The following GPC5 variants were observed in gnomAD, a reference collection of about 807,000 sequenced individuals.
GPC5 encodes the protein glypican 5.
GPC5 carries 47 observed loss-of-function variants against 53.9 expected under a neutral mutation model. The ratio of observed to expected loss-of-function variants is 0.87; its 90% CI spans 0.69 to 1.11. The LOEUF is 1.11. Ranked by LOEUF, GPC5 falls within the 50% of genes most tolerant of loss-of-function variation. GPC5 has a pLI of 0.00. For missense variants in GPC5, 748 were observed against 713.1 expected, an observed-to-expected ratio of 1.05 and a Z score of -0.56; for synonymous variants, 286 against 263.3, an observed-to-expected ratio of 1.09 and a Z score of -0.84.
chr13:91,593,131 G>A (rs1029275769), intron 2 of GPC5, among the ~76,000 whole-genome samples: 7 of 152,208 alleles, frequency 4.6e-5, no homozygotes, highest in South Asian at 4.1e-4. Flanking sequence ...GAGGTTCATC[G>A]CAAGGGTGAG....
rs536819432 is a variant in GPC5, at chr13:91,606,412, T to C, written c.326-86775T>C. On this transcript the variant is annotated intron_variant, in intron 2 of 7. Transcript: ENST00000377067. The stretch of plus-strand genomic sequence containing the variant: ...GTTCATCAAGGATATTGGTCTAAAA[T>C]TCTCTTTTATTGTTGTGTCTCTGCC... 6.6e-5 allele frequency among the ~76,000 whole-genome samples: 10 copies of C among 151,346 alleles called. No individual in the cohort carries two copies. In the East Asian group the frequency reaches 2.0e-3, roughly 30 times the overall value.
chr13:91,937,125 T>A (rs2039878334), intron 6 of GPC5, among the ~76,000 whole-genome samples: 1 of 152,066 alleles, frequency 6.6e-6, no homozygotes, highest in Admixed American at 6.6e-5. Flanking sequence ...AAATGACAAA[T>A]CTTTGATTTC....
chr13:91,833,933 A>G (rs1251932372), intron 5 of GPC5, among the ~76,000 whole-genome samples: 1 of 152,200 alleles, frequency 6.6e-6, no homozygotes, highest in Non-Finnish European at 1.5e-5. Flanking sequence ...GTATTCAAAT[A>G]GGAAAAGAGA....
chr13:92,532,052 AG>A (rs1881583718), intron 7 of GPC5, among the ~76,000 whole-genome samples: 1 of 152,178 alleles, frequency 6.6e-6, no homozygotes, highest in African/African-American at 2.4e-5. Context: ...AATTAAAGGC[AG>A]GTGGCTCATC....
At chr13:92,627,233 G>A (rs1885074291) in intron 7 of GPC5, among the ~76,000 whole-genome samples, 1 of 152,134 alleles carries the variant, frequency 6.6e-6, no homozygotes, top group African/African-American at 2.4e-5. Flanking sequence ...CAGAAAGCAG[G>A]TTTCACCTTT....
chr13:91,916,003 A>G (rs2039654898), intron 6 of GPC5, among the ~76,000 whole-genome samples: 1 of 152,232 alleles, frequency 6.6e-6, no homozygotes, highest in South Asian at 2.1e-4. Flanking sequence ...ACCATATAGT[A>G]ATGTGCTAAG....
intron 4 of GPC5, among the ~76,000 whole-genome samples, chr13:91,747,647 T>TTC (rs1331759556): frequency 6.6e-6 from 1 of 151,832 alleles, no homozygotes; most frequent in Non-Finnish European, 1.5e-5. Context: ...TCTGGTTTTT[T>TTC]TTTTTCTAAT....
At chr13:92,149,495 G>T (rs539499326) in intron 7 of GPC5, among the ~76,000 whole-genome samples, 16 of 152,086 alleles carry the variant, frequency 1.1e-4, no homozygotes, top group East Asian at 1.9e-4. Context: ...TAGAACTATT[G>T]TTTGTGTTGT....
chr13:92,114,749 A>G (rs2041587224), intron 6 of GPC5, among the ~76,000 whole-genome samples: 3 of 152,190 alleles, frequency 2.0e-5, no homozygotes. Flanking sequence ...CCATAAAGCC[A>G]ATGTAGTATG....
intron 2 of GPC5, among the ~76,000 whole-genome samples, chr13:91,506,688 G>C (rs1054174316): frequency 2.0e-5 from 3 of 151,546 alleles, no homozygotes; most frequent in Non-Finnish European, 4.4e-5. Context: ...AAATGACATA[G>C]AAAAAATGAC....
At chr13:91,897,574 A>G (rs1219989237) in intron 5 of GPC5, among the ~76,000 whole-genome samples, 1 of 152,104 alleles carries the variant, frequency 6.6e-6, no homozygotes, top group Non-Finnish European at 1.5e-5. Context: ...TACCTGGACC[A>G]CATATCAAGG....
intron 7 of GPC5, among the ~76,000 whole-genome samples, chr13:92,530,362 G>A (rs1881516070): frequency 6.6e-6 from 1 of 152,176 alleles, no homozygotes; most frequent in Admixed American, 6.5e-5. Context: ...GACACATGTA[G>A]TGCCACTGCC....
At chr13:91,797,348 G>C (rs1331883437) in intron 5 of GPC5, among the ~76,000 whole-genome samples, 1 of 152,098 alleles carries the variant, frequency 6.6e-6, no homozygotes, top group Non-Finnish European at 1.5e-5. Flanking sequence ...TTTTGTTGAT[G>C]TTGAAAAACT....
intron 2 of GPC5, among the ~76,000 whole-genome samples, chr13:91,480,392 A>G (rs936564515): frequency 1.3e-5 from 2 of 152,182 alleles, no homozygotes; most frequent in African/African-American, 4.8e-5. Context: ...CACCACATGT[A>G]CACATGTCTC....
At position 92,667,695 on chromosome 13, in the gene GPC5, T is replaced by C. The variant is rs543141725; in HGVS notation, c.1562-198587T>C. Among the ~76,000 whole-genome samples, 4 of 152,294 alleles carry C rather than the reference T, an allele frequency of 2.6e-5. No individual in the cohort carries two copies. The East Asian group carries it at 5.8e-4, about 22-fold the overall frequency. Reference sequence around the variant, plus strand: ...AACTTCTGCCATTCAGCCGTGCAGATGAGGTGAACAGGTATTTGCGGACAC... The same window carrying C: ...AACTTCTGCCATTCAGCCGTGCAGACGAGGTGAACAGGTATTTGCGGACAC... On this transcript the variant is annotated intron_variant, in intron 7 of 7. Transcript: ENST00000377067.
At chr13:91,663,982 A>G (rs1313704080) in intron 2 of GPC5, among the ~76,000 whole-genome samples, 1 of 152,174 alleles carries the variant, frequency 6.6e-6, no homozygotes, top group Admixed American at 6.5e-5. Context: ...TAGCTCTACA[A>G]TAACATCTTT....
intron 7 of GPC5, among the ~76,000 whole-genome samples, chr13:92,222,438 A>C (rs182084576): frequency 2.8e-4 from 43 of 152,336 alleles, no homozygotes; most frequent in Non-Finnish European, 4.3e-4. Context: ...TTAAGAAAAA[A>C]CACTGAAGCA....
At chr13:92,741,653 T>C (rs1889097570) in intron 7 of GPC5, among the ~76,000 whole-genome samples, 1 of 152,072 alleles carries the variant, frequency 6.6e-6, no homozygotes, top group South Asian at 2.1e-4. Flanking sequence ...TTGTTACATA[T>C]GTATACATGT....
intron 2 of GPC5, among the ~76,000 whole-genome samples, chr13:91,582,482 G>A (rs1367542308): frequency 6.6e-6 from 1 of 151,726 alleles, no homozygotes; most frequent in Non-Finnish European, 1.5e-5. Context: ...GAAAACTAAA[G>A]AAACAAAAGA....
Sources: allele counts gnomAD v4.1 joint callset (sites outside exome capture counted in the v4.1 genomes callset), GRCh38; gene constraint gnomAD v4.1.1; transcripts MANE v1.5; gene names NCBI Gene and HGNC (gene_info 2026-07-23, HGNC 2026-07-21).